Variants in SLC30A8 observed in about 807,000 individuals in gnomAD.
The protein encoded by SLC30A8 is proton-coupled zinc antiporter SLC30A8.
In SLC30A8, 27 loss-of-function variants were observed where a neutral mutation model predicts 36.9. That is an observed-to-expected ratio of 0.73 (90% CI 0.54 to 1.01). The LOEUF is 1.01. Among genes scored for constraint, SLC30A8 ranks in the 50% least tolerant of loss-of-function variants. The pLI is 0.00. For missense variants in SLC30A8, 439 were observed against 452.0 expected (o/e 0.97, Z 0.26); for synonymous variants, 164 against 172.4 (o/e 0.95, Z 0.38).
intron 1 of SLC30A8, among the ~76,000 whole-genome samples, chr8:116,986,474 A>T (rs1472024846): frequency 6.6e-6 from 1 of 152,218 alleles, no homozygotes; most frequent in East Asian, 1.9e-4. Context: ...CCTATTGGAC[A>T]TTTTGGAAGC....
chr8:117,140,583 C>T (rs1323059005), intron 1 of SLC30A8, among the ~76,000 whole-genome samples: 1 of 151,984 alleles, frequency 6.6e-6, no homozygotes, highest in African/African-American at 2.4e-5. Flanking sequence ...AGGAGGATGG[C>T]AGTGAGATGA....
chr8:117,042,536 G>T (rs1313467727), intron 2 of SLC30A8, among the ~76,000 whole-genome samples: 1 of 152,128 alleles, frequency 6.6e-6, no homozygotes, highest in East Asian at 1.9e-4. Context: ...GTACTATCTG[G>T]TCTGGACCCA....
chr8:116,956,380 A>G (rs1276490275), intron 1 of SLC30A8, among the ~76,000 whole-genome samples: 1 of 152,210 alleles, frequency 6.6e-6, no homozygotes, highest in East Asian at 1.9e-4. Flanking sequence ...TTTCTAGGCC[A>G]TGACAAATTC....
chr8:117,002,607 TTTG>T (rs557349477), intron 1 of SLC30A8, among the ~76,000 whole-genome samples: 1 of 152,276 alleles, frequency 6.6e-6, no homozygotes, highest in East Asian at 1.9e-4. Flanking sequence ...TTGTTTTGTT[TTTG>T]TTTTTGTTTT....
At chr8:117,079,501 C>T (rs891714620) in intron 2 of SLC30A8, among the ~76,000 whole-genome samples, 2 of 152,112 alleles carry the variant, frequency 1.3e-5, no homozygotes, top group Non-Finnish European at 2.9e-5. Context: ...TTATTTTAAG[C>T]TTCATTGTAC....
chr8:117,169,409 G>A (rs1274639173), intron 6 of SLC30A8, among the ~76,000 whole-genome samples: 2 of 152,068 alleles, frequency 1.3e-5, no homozygotes, highest in Non-Finnish European at 2.9e-5. Flanking sequence ...GCAACCCCAG[G>A]CATAAATGGG....
At chr8:117,045,016 G>A (rs1039296148) in intron 2 of SLC30A8, among the ~76,000 whole-genome samples, 11 of 152,296 alleles carry the variant, frequency 7.2e-5, no homozygotes, top group Middle Eastern at 3.4e-3. Flanking sequence ...ATTTAACACT[G>A]GCCTGCCAGG....
intron 1 of SLC30A8, chr8:117,039,187 G>A (rs976758514): frequency 1.3e-5 from 2 of 152,140 alleles, no homozygotes; most frequent in African/African-American, 4.8e-5. Flanking sequence ...TCCACCTTCA[G>A]TTTAGTTGCT....
chr8:117,104,214 T>A (rs751112885), intron 2 of SLC30A8, among the ~76,000 whole-genome samples: 4 of 152,204 alleles, frequency 2.6e-5, no homozygotes, highest in Non-Finnish European at 5.9e-5. Context: ...ATCATCTGGT[T>A]CTGGTTTATT....
chr8:117,091,975 C>T (rs1353947896), intron 2 of SLC30A8, among the ~76,000 whole-genome samples: 1 of 152,046 alleles, frequency 6.6e-6, no homozygotes, highest in Non-Finnish European at 1.5e-5. Context: ...CCAAGGAATC[C>T]CATCATGTCT....
In SLC30A8 at chr8:117,172,688, C is replaced by A; in HGVS notation, c.*7C>A. The A allele has an allele frequency of 6.2e-7, 1 of 1,613,280 alleles. No homozygotes were observed. Among genetic ancestry groups the A allele is most frequent in the South Asian group, 1.1e-5 (1 of 91,038 alleles). ...TGAAGACCCCTGTGACTAGCTCAGT[C>A]ACACCGTCAGTTTCCCAAATTTGAC... is the stretch of plus-strand genomic sequence containing the variant. On this transcript the variant is annotated 3_prime_UTR_variant, in exon 8 of 8. Transcript: ENST00000456015.
chr8:117,008,105 T>C (rs1240016282), intron 1 of SLC30A8, among the ~76,000 whole-genome samples: 1 of 152,212 alleles, frequency 6.6e-6, no homozygotes, highest in Non-Finnish European at 1.5e-5. Flanking sequence ...TCCCACTACA[T>C]AGTAAACTAT....
At chr8:117,012,089 T>A (rs1816361111) in intron 1 of SLC30A8, among the ~76,000 whole-genome samples, 1 of 152,162 alleles carries the variant, frequency 6.6e-6, no homozygotes, top group African/African-American at 2.4e-5. Flanking sequence ...TTGTATTAGT[T>A]GCTCATTCAA....
chr8:117,162,527 A>G (rs1395791274), intron 5 of SLC30A8, among the ~76,000 whole-genome samples: 1 of 152,162 alleles, frequency 6.6e-6, no homozygotes, highest in Non-Finnish European at 1.5e-5. Context: ...GCAGATCTCT[A>G]CCTGGTAATA....
intron 3 of SLC30A8, among the ~76,000 whole-genome samples, chr8:117,157,479 G>A (rs924922): frequency 0.38 from 58,192 of 152,092 alleles, 14,142 homozygotes; most frequent in African/African-American, 0.69. Flanking sequence ...ATGGAACATA[G>A]TGACTCAGAT....
At chr8:117,105,346 TTTTA>T (rs367947838) in intron 2 of SLC30A8, among the ~76,000 whole-genome samples, 3 of 152,126 alleles carry the variant, frequency 2.0e-5, no homozygotes, top group East Asian at 1.9e-4. Flanking sequence ...ACTTCCATAT[TTTTA>T]TTTATTTATT....
chr8:117,019,710 CA>C (rs1432777393), intron 1 of SLC30A8, among the ~76,000 whole-genome samples: 17 of 152,162 alleles, frequency 1.1e-4, no homozygotes, highest in African/African-American at 3.4e-4. Context: ...TGTTTGAAAA[CA>C]TGCTAAAGTC....
intron 2 of SLC30A8, among the ~76,000 whole-genome samples, chr8:117,051,965 G>A (rs762818521): frequency 4.6e-5 from 7 of 152,232 alleles, no homozygotes; most frequent in Non-Finnish European, 5.9e-5. Flanking sequence ...ACATACCAGC[G>A]CTATGCTTTG....
chr8:117,061,961 A>G lies in SLC30A8; in HGVS notation c.-226+22703A>G, dbSNP rs1419378918. On this transcript the variant is annotated intron_variant, in intron 2 of 10. Coordinates refer to the SLC30A8 transcript ENST00000427715. ...GGGCAGGTTACTGTGGCAGGGTGTT[A>G]TGTTATTGAGAACAGGACCAACTTC... Among the ~76,000 whole-genome samples, 4 of 152,216 alleles carry G rather than the reference A, an allele frequency of 2.6e-5. 1 individual carries two copies. The highest frequency in any genetic ancestry group is 6.5e-5 in the Admixed American group (1 of 15,282).
Sources: gnomAD v4.1 joint callset for allele counts (sites outside exome capture counted in the v4.1 genomes callset) on GRCh38, gnomAD v4.1.1 for gene constraint, MANE v1.5 for transcripts, NCBI Gene and HGNC (gene_info 2026-07-23, HGNC 2026-07-21) for gene names.